PDE6D: variants seen among roughly 807,000 people sequenced by gnomAD.
The protein encoded by PDE6D is retinal rod rhodopsin-sensitive cGMP 3',5'-cyclic phosphodiesterase subunit delta.
A neutral mutation model predicts 21.9 loss-of-function variants in PDE6D; 10 were observed. The ratio of observed to expected loss-of-function variants is 0.46; its 90% CI spans 0.28 to 0.78. PDE6D has a LOEUF of 0.78. PDE6D is among the 30% of genes least tolerant of loss of function. The pLI is 0.12. For synonymous variants in PDE6D, 59 were observed against 63.5 expected (o/e 0.93, Z 0.34); for missense variants, 139 against 184.8 (o/e 0.75, Z 1.44).
At chr2:231,777,374 T>C (rs951132864) in intron 1 of PDE6D, among the ~76,000 whole-genome samples, 3 of 152,154 alleles carry the variant, frequency 2.0e-5, no homozygotes, top group Non-Finnish European at 4.4e-5. Flanking sequence ...CTCGCTATGT[T>C]GGCCAGGTTG....
At chr2:231,771,141 C>G (rs1003299246) in intron 1 of PDE6D, among the ~76,000 whole-genome samples, 1 of 151,632 alleles carries the variant, frequency 6.6e-6, no homozygotes, top group Non-Finnish European at 1.5e-5. Flanking sequence ...GTGCCTCAGC[C>G]TCCCAAATAG....
chr2:231,746,695 A>G (rs1186633528), intron 1 of PDE6D, among the ~76,000 whole-genome samples: 1 of 152,196 alleles, frequency 6.6e-6, no homozygotes, highest in African/African-American at 2.4e-5. Context: ...AAGAGAAATC[A>G]GGGTAAGAGA....
chr2:231,764,699 GTGT>G (rs1158196112), intron 1 of PDE6D, among the ~76,000 whole-genome samples: 1 of 152,176 alleles, frequency 6.6e-6, no homozygotes, highest in Non-Finnish European at 1.5e-5. Context: ...ATTCTCCAAA[GTGT>G]TGTTTGTTAC....
intron 1 of PDE6D, among the ~76,000 whole-genome samples, chr2:231,743,296 C>T (rs1057408431): frequency 2.0e-5 from 3 of 151,750 alleles, no homozygotes; most frequent in Admixed American, 6.6e-5. Context: ...TGGTGGTGTG[C>T]GCCTGTAGTC....
intron 1 of PDE6D, among the ~76,000 whole-genome samples, chr2:231,760,300 G>C (rs1242794187): frequency 1.3e-5 from 2 of 152,148 alleles, no homozygotes; most frequent in Admixed American, 6.5e-5. Context: ...TTCACATTCA[G>C]TATCTATTTA....
At position 231,739,159 on chromosome 2, in the gene PDE6D, G is replaced by C; in HGVS notation, c.80C>G (p.Thr27Arg). Residue 27 changes from threonine to arginine, a missense_variant, in exon 2 of 5, where the codon ACA becomes AGA. Physicochemically the swap from Thr to Arg is moderately conservative, Grantham distance 71. Coordinates refer to ENST00000287600, the MANE Select transcript of PDE6D (RefSeq NM_002601.4). This position sits in a 1 kb window ranked among gnomAD's most constrained non-coding sequence, Gnocchi z 4.2. ...TGTTCCTTGCCAGAGTATCTTCCCT[G>C]TCTCAGCATCCCGAAGGTTCATCCA... ...LNWMNLRDAE[T>R]GKILWQGTED... The C allele has an allele frequency of 6.2e-7, 1 of 1,612,750 alleles. No homozygotes were observed. Among genetic ancestry groups the C allele is most frequent in the Non-Finnish European group, 8.5e-7 (1 of 1,178,794 alleles).
At chr2:231,746,815 GA>G (rs1477837744) in intron 1 of PDE6D, among the ~76,000 whole-genome samples, 2 of 152,094 alleles carry the variant, frequency 1.3e-5, no homozygotes, top group African/African-American at 4.8e-5. Context: ...AAAAGACTGA[GA>G]AAAAACACAG....
intron 1 of PDE6D, among the ~76,000 whole-genome samples, chr2:231,752,045 C>T (rs1044866054): frequency 1.5e-4 from 23 of 152,128 alleles, no homozygotes; most frequent in African/African-American, 5.6e-4. Context: ...TTATATCAGT[C>T]CAGCTTTTTT....
In PDE6D at chr2:231,737,261, A is replaced by C; in HGVS notation, c.297T>G (p.Pro99=). 6.2e-7 allele frequency: 1 copy of C among 1,612,002 alleles called. No homozygotes were observed. Among genetic ancestry groups the C allele is most frequent in the East Asian group, 2.2e-5 (1 of 44,860 alleles). The change falls in exon 4 of 5, where the codon CCT becomes CCG. Residue 99 remains proline, a synonymous_variant. Coordinates refer to ENST00000287600, the MANE Select transcript of PDE6D (RefSeq NM_002601.4). ...AGGACTGCCAGGTATTTGTGGAGTT[A>C]GGGATCACAAAGCCAAACTCGAAGA... The part of the protein sequence containing the change: ...EWFFEFGFVI[P]NSTNTWQSLI...
intron 1 of PDE6D, among the ~76,000 whole-genome samples, chr2:231,757,802 TCA>T (rs2048894773): frequency 6.6e-6 from 1 of 152,208 alleles, no homozygotes; most frequent in Non-Finnish European, 1.5e-5. Flanking sequence ...TATAATGTGA[TCA>T]CAGTTATTAA....
At chr2:231,780,546 G>A (rs570579901) in intron 1 of PDE6D, among the ~76,000 whole-genome samples, 3 of 152,266 alleles carry the variant, frequency 2.0e-5, no homozygotes, top group South Asian at 4.1e-4. Flanking sequence ...GGTGCGGTGC[G>A]GTGCGGTGGG....
chr2:231,742,775 AG>A (rs1305288522), intron 1 of PDE6D, among the ~76,000 whole-genome samples: 5 of 152,202 alleles, frequency 3.3e-5, no homozygotes, highest in Admixed American at 2.0e-4. Context: ...TAGAAAGGCC[AG>A]ATCCTTTTCT....
At chr2:231,752,398 T>C (rs2048846367) in intron 1 of PDE6D, among the ~76,000 whole-genome samples, 1 of 152,220 alleles carries the variant, frequency 6.6e-6, no homozygotes, top group Non-Finnish European at 1.5e-5. Context: ...CAGGATTATA[T>C]GAAATGCCTA....
chr2:231,746,124 TATTTTTTA>T (rs1182941640), intron 1 of PDE6D, among the ~76,000 whole-genome samples: 1 of 152,184 alleles, frequency 6.6e-6, no homozygotes, highest in African/African-American at 2.4e-5. Context: ...CAGTGTATTT[TATTTTTTA>T]ATTTTTATTT....
chr2:231,758,837 C>T (rs1050337758), intron 1 of PDE6D, among the ~76,000 whole-genome samples: 22 of 152,122 alleles, frequency 1.4e-4, no homozygotes, highest in African/African-American at 4.8e-4. Context: ...TTCTAACTAG[C>T]TCCCTGATGA....
chr2:231,732,561 C>T lies in PDE6D; in HGVS notation c.*391G>A, dbSNP rs2048660168. On this transcript the variant is annotated 3_prime_UTR_variant, in exon 5 of 5. Coordinates refer to ENST00000287600, the MANE Select transcript of PDE6D (RefSeq NM_002601.4). The stretch of plus-strand genomic sequence containing the variant: ...TGGTAGGAAAAAACTAAACATGGGT[C>T]AGGAACACGGAATTTTTCCAAAACC... The T allele has an allele frequency of 6.2e-6, 1 of 160,900 alleles. No homozygotes were observed. Among genetic ancestry groups the T allele is most frequent in the African/African-American group, 2.4e-5 (1 of 41,774 alleles). 10.0% of individuals were successfully genotyped at this position (160,900 alleles called of 1,614,324 possible).
chr2:231,737,711 C>A, intron 3 of PDE6D: 1 of 342,398 alleles, frequency 2.9e-6, no homozygotes. Context: ...ATGTAGAGCA[C>A]TGTACTAGGC....
Position 231,739,213 on chromosome 2 carries a change from A to G in PDE6D, c.51-25T>C. Reference sequence around the variant, plus strand: ...TCTGATCAAATATGACTAAGGAAAAATAAGGCACTGAAAGTGACTCCCACT... The same window carrying G: ...TCTGATCAAATATGACTAAGGAAAAGTAAGGCACTGAAAGTGACTCCCACT... On this transcript the variant is annotated intron_variant, in intron 1 of 4. Coordinates refer to ENST00000287600, the MANE Select transcript of PDE6D (RefSeq NM_002601.4). This position sits in a 1 kb window ranked among gnomAD's most constrained non-coding sequence, Gnocchi z 4.2. The G allele has an allele frequency of 6.9e-7, 1 of 1,442,752 alleles. No homozygotes were observed. The highest frequency in any genetic ancestry group is 9.8e-7 in the Non-Finnish European group (1 of 1,023,996). 89.4% of individuals were successfully genotyped at this position (1,442,752 alleles called of 1,614,324 possible).
At position 231,744,691 on chromosome 2, in the gene PDE6D, C is replaced by T. The variant is rs188672560; in HGVS notation, c.51-5503G>A. 2.5e-3 allele frequency among the ~76,000 whole-genome samples: 386 copies of T among 152,196 alleles called. 2 individuals are homozygous for T. The highest frequency in any genetic ancestry group is 6.8e-3 in the Middle Eastern group (2 of 294). ...GAGGTGATCTGCCTGCCTCGGCCTC[C>T]CAAAATGCTGGGATTACAGGCGTTG... is the stretch of plus-strand genomic sequence containing the variant. On this transcript the variant is annotated intron_variant, in intron 1 of 4. Coordinates refer to ENST00000287600, the MANE Select transcript of PDE6D (RefSeq NM_002601.4).
Sources: gnomAD v4.1 joint callset for allele counts (sites outside exome capture counted in the v4.1 genomes callset) on GRCh38, gnomAD v4.1.1 for gene constraint, Gnocchi (gnomAD v3.1) non-coding constraint, MANE v1.5 for transcripts, NCBI Gene and HGNC (gene_info 2026-07-23, HGNC 2026-07-21) for gene names.